RBFOX1: variants seen among roughly 807,000 people sequenced by gnomAD.
RBFOX1 encodes the protein RNA binding fox-1 homolog 1.
Under a neutral mutation model 57.7 loss-of-function variants are expected in RBFOX1, and 8 were observed. The observed-to-expected ratio is 0.14, with a 90% CI of 0.08 to 0.25. The LOEUF is 0.25. RBFOX1 is among the 10% of genes least tolerant of loss of function. The pLI is 1.00. For missense variants in RBFOX1, 611 were observed against 548.5 expected, an observed-to-expected ratio of 1.11 and a Z score of -1.14; for synonymous variants, 326 against 222.4, an observed-to-expected ratio of 1.47 and a Z score of -4.15.
intron 4 of RBFOX1, among the ~76,000 whole-genome samples, chr16:7,477,132 C>G (rs532511611): frequency 6.6e-6 from 1 of 152,222 alleles, no homozygotes; most frequent in Admixed American, 6.5e-5. Context: ...TTGTTAAGAC[C>G]TGTCACACAT....
In RBFOX1 at chr16:7,170,392, C is replaced by G. The variant is rs188658490; in HGVS notation, c.27+118294C>G. Among the ~76,000 whole-genome samples, 374 of 152,138 alleles carry G rather than the reference C, an allele frequency of 2.5e-3. 3 individuals are homozygous for G. The highest frequency in any genetic ancestry group is 6.6e-4 in the Non-Finnish European group (45 of 68,024). ...GTGCAAGTGATACTCTCACCTCAGC[C>G]TCCTGAGTAGCTGAGACTACAGGCA... On this transcript the variant is annotated intron_variant, in intron 4 of 15. Transcript: ENST00000550418.
intron 3 of RBFOX1, among the ~76,000 whole-genome samples, chr16:5,781,825 A>G (rs997003261): frequency 3.3e-5 from 5 of 152,222 alleles, no homozygotes. Flanking sequence ...TGGCACTGAT[A>G]TCAGAAAATG....
chr16:7,491,518 G>A lies in RBFOX1; in HGVS notation c.28-26629G>A, dbSNP rs143944580. On this transcript the variant is annotated intron_variant, in intron 4 of 15. Transcript: ENST00000550418. The stretch of plus-strand genomic sequence containing the variant: ...TCAGAATTCCTTTGAGAGATCACTT[G>A]GCCCTTCCCTGCTGATCTTTGGGCT... 2.2e-3 allele frequency among the ~76,000 whole-genome samples: 335 copies of A among 151,730 alleles called. 3 individuals are homozygous for A. Among genetic ancestry groups the A allele is most frequent in the African/African-American group, 7.7e-3 (320 of 41,484 alleles).
chr16:7,175,069 C>T (rs545443544), intron 4 of RBFOX1, among the ~76,000 whole-genome samples: 9 of 151,086 alleles, frequency 6.0e-5, no homozygotes, highest in East Asian at 2.0e-4. Flanking sequence ...TTCTGGGGTA[C>T]ATGTGCAGGA....
At chr16:5,469,590 C>G (rs1476510422) in intron 2 of RBFOX1, among the ~76,000 whole-genome samples, 2 of 152,140 alleles carry the variant, frequency 1.3e-5, no homozygotes, top group Non-Finnish European at 2.9e-5. Flanking sequence ...TGCGGTGCCA[C>G]CATACCTTCA....
intron 1 of RBFOX1, among the ~76,000 whole-genome samples, chr16:6,165,591 C>T (rs938092907): frequency 1.3e-5 from 2 of 152,184 alleles, no homozygotes; most frequent in Non-Finnish European, 2.9e-5. Flanking sequence ...ATTTTTCAAC[C>T]TCCCTAAAAT....
chr16:6,855,018 A>G (rs778163606), intron 3 of RBFOX1, among the ~76,000 whole-genome samples: 6 of 151,880 alleles, frequency 4.0e-5, no homozygotes, highest in African/African-American at 7.3e-5. Flanking sequence ...CCACCTAAGG[A>G]CAATGTTTCA....
chr16:7,543,457 A>G (rs1262815193), intron 5 of RBFOX1, among the ~76,000 whole-genome samples: 1 of 152,170 alleles, frequency 6.6e-6, no homozygotes, highest in Non-Finnish European at 1.5e-5. Context: ...TGTCCCTTGT[A>G]ACACCTGAAT....
chr16:5,849,018 G>C (rs1597479275), intron 3 of RBFOX1, among the ~76,000 whole-genome samples: 1 of 151,988 alleles, frequency 6.6e-6, no homozygotes, highest in East Asian at 1.9e-4. Flanking sequence ...GGCAGGACAG[G>C]AGCTCCAGAT....
intron 5 of RBFOX1, among the ~76,000 whole-genome samples, chr16:7,568,812 G>A (rs1049110964): frequency 6.7e-6 from 1 of 150,106 alleles, no homozygotes; most frequent in Non-Finnish European, 1.5e-5. Context: ...GCGTGAACCC[G>A]GGAGGCGGAG....
At position 5,854,564 on chromosome 16, in the gene RBFOX1, C is replaced by G. The variant is rs923311981; in HGVS notation, c.319-12739C>G. Among the ~76,000 whole-genome samples, 4 of 141,938 alleles carry G rather than the reference C, an allele frequency of 2.8e-5. No individual in the cohort carries two copies. The South Asian group carries it at 9.3e-4, about 33-fold the overall frequency. 93.1% of individuals were successfully genotyped at this position (141,938 alleles called of 152,430 possible). On this transcript the variant is annotated intron_variant, in intron 3 of 19. Coordinates refer to the RBFOX1 transcript ENST00000641259. ...TATGTTTATACCTATCTTACCCCCC[C>G]CACACACAAGCACACATTCACACAC... is the stretch of plus-strand genomic sequence containing the variant.
intron 4 of RBFOX1, among the ~76,000 whole-genome samples, chr16:7,299,949 A>G (rs4608354): frequency 0.27 from 41,154 of 152,192 alleles, 6,365 homozygotes; most frequent in African/African-American, 0.42. Flanking sequence ...ATGTGACCCC[A>G]TCGCAAGTCA....
intron 2 of RBFOX1, among the ~76,000 whole-genome samples, chr16:6,455,963 A>G (rs740863): frequency 0.82 from 124,105 of 152,058 alleles, 50,765 homozygotes; most frequent in East Asian, 0.93. Context: ...AGAATCTTAG[A>G]CTAAAGCTAG....
chr16:5,264,654 TG>T (rs2062814719), intron 1 of RBFOX1, among the ~76,000 whole-genome samples: 1 of 152,204 alleles, frequency 6.6e-6, no homozygotes, highest in African/African-American at 2.4e-5. Flanking sequence ...CCAATTCTCC[TG>T]TCTTCATGCA....
intron 3 of RBFOX1, among the ~76,000 whole-genome samples, chr16:6,930,169 T>C (rs2076273802): frequency 6.6e-6 from 1 of 152,186 alleles, no homozygotes; most frequent in South Asian, 2.1e-4. Flanking sequence ...AGAGATATTA[T>C]CCCATCTTTG....
chr16:7,694,637 A>C (rs947392266), intron 14 of RBFOX1, among the ~76,000 whole-genome samples: 1 of 152,138 alleles, frequency 6.6e-6, no homozygotes, highest in Non-Finnish European at 1.5e-5. Flanking sequence ...TCTGCTTCTC[A>C]TTGTGAGAGG....
intron 6 of RBFOX1, among the ~76,000 whole-genome samples, chr16:7,581,387 GGA>G (rs2093749162): frequency 1.3e-5 from 2 of 152,130 alleles, no homozygotes; most frequent in African/African-American, 4.8e-5. Context: ...GGCGGTAAGA[GGA>G]GTTATATTCT....
intron 4 of RBFOX1, among the ~76,000 whole-genome samples, chr16:7,295,831 G>C (rs1428411998): frequency 6.6e-6 from 1 of 152,162 alleles, no homozygotes; most frequent in Non-Finnish European, 1.5e-5. Flanking sequence ...AAACTCTGGT[G>C]ATCCAACAAA....
At chr16:7,416,077 A>G (rs1490812193) in intron 4 of RBFOX1, among the ~76,000 whole-genome samples, 4 of 152,122 alleles carry the variant, frequency 2.6e-5, no homozygotes, top group South Asian at 2.1e-4. Flanking sequence ...TTTCTTTCTT[A>G]TTAAACCTCC....
Sources: gnomAD v4.1 joint callset for allele counts (sites outside exome capture counted in the v4.1 genomes callset) on GRCh38, gnomAD v4.1.1 for gene constraint, MANE v1.5 for transcripts, NCBI Gene and HGNC (gene_info 2026-07-23, HGNC 2026-07-21) for gene names.